Variants in FHIT observed in about 807,000 individuals in gnomAD.
FHIT encodes fragile histidine triad diadenosine triphosphatase.
Under a neutral mutation model 17.9 loss-of-function variants are expected in FHIT, and 19 were observed. That is an observed-to-expected ratio of 1.06 (90% confidence interval 0.74 to 1.56). The LOEUF is 1.56. Among genes scored for constraint, FHIT ranks in the 40% most tolerant of loss-of-function variants. The pLI is 0.00. For synonymous variants in FHIT, 81 were observed against 69.7 expected (o/e 1.16, Z -0.81); for missense variants, 248 against 189.2 (o/e 1.31, Z -1.82).
intron 4 of FHIT, among the ~76,000 whole-genome samples, chr3:60,748,551 C>T (rs1035418373): frequency 2.0e-5 from 3 of 152,174 alleles, no homozygotes; most frequent in Admixed American, 6.5e-5. Flanking sequence ...GTGGCTCACA[C>T]CTGTAATCCC....
In FHIT at chr3:60,303,126, T is replaced by G. The variant is rs575713598; in HGVS notation, c.103+233734A>C. On this transcript the variant is annotated intron_variant, in intron 5 of 9. Coordinates refer to ENST00000492590, the MANE Select transcript of FHIT (RefSeq NM_002012.4). ...ACAACTGCCAAACCTGGAAACCACT[T>G]TCTCCCACATCAAACACACCCTGAA... 5.9e-5 allele frequency among the ~76,000 whole-genome samples: 9 copies of G among 152,216 alleles called. No homozygotes were observed. In the East Asian group the frequency reaches 1.7e-3, roughly 29 times the overall value.
At chr3:60,940,160 G>C (rs1394401557) in intron 3 of FHIT, among the ~76,000 whole-genome samples, 2 of 152,068 alleles carry the variant, frequency 1.3e-5, no homozygotes, top group Non-Finnish European at 2.9e-5. Context: ...ATTTATCATA[G>C]TTTTATGCTC....
chr3:60,863,417 A>C (rs550413501), intron 3 of FHIT, among the ~76,000 whole-genome samples: 8 of 152,336 alleles, frequency 5.3e-5, no homozygotes, highest in Admixed American at 4.6e-4. Flanking sequence ...GTGTTGTTTT[A>C]AGTCACTAAA....
At chr3:60,882,748 A>G (rs1201602499) in intron 3 of FHIT, among the ~76,000 whole-genome samples, 2 of 152,144 alleles carry the variant, frequency 1.3e-5, no homozygotes, top group African/African-American at 4.8e-5. Flanking sequence ...ACAAATCCAT[A>G]CCTAACATTA....
chr3:59,902,492 C>A (rs1704375471), intron 8 of FHIT, among the ~76,000 whole-genome samples: 1 of 151,962 alleles, frequency 6.6e-6, no homozygotes, highest in Admixed American at 6.6e-5. Context: ...TATCTCCACT[C>A]ACATGTTCAT....
At chr3:61,060,399 C>G (rs976456597) in intron 2 of FHIT, among the ~76,000 whole-genome samples, 6 of 152,128 alleles carry the variant, frequency 3.9e-5, no homozygotes, top group Non-Finnish European at 5.9e-5. Flanking sequence ...CAGGCTGCCA[C>G]CCAAAACCAT....
chr3:60,179,795 C>G (rs1701843134), intron 5 of FHIT, among the ~76,000 whole-genome samples: 1 of 152,170 alleles, frequency 6.6e-6, no homozygotes, highest in Admixed American at 6.5e-5. Flanking sequence ...GCTAGGCCAT[C>G]TTTCATTTCT....
intron 2 of FHIT, among the ~76,000 whole-genome samples, chr3:61,166,533 AT>A (rs1001770428): frequency 2.0e-5 from 3 of 152,160 alleles, no homozygotes; most frequent in African/African-American, 7.2e-5. Context: ...AGCAGGCTGT[AT>A]TTTTTTAACA....
At chr3:60,930,060 G>A (rs782161382) in intron 3 of FHIT, among the ~76,000 whole-genome samples, 165 of 152,090 alleles carry the variant, frequency 1.1e-3, no homozygotes, top group African/African-American at 2.4e-3. Flanking sequence ...AAATAATGCC[G>A]CATATCTACA....
At chr3:60,787,282 C>T (rs1316800132) in intron 4 of FHIT, among the ~76,000 whole-genome samples, 1 of 152,150 alleles carries the variant, frequency 6.6e-6, no homozygotes, top group African/African-American at 2.4e-5. Flanking sequence ...AATCCCTGCT[C>T]CAGCTTTTTA....
At chr3:60,355,929 T>C (rs1384341474) in intron 5 of FHIT, among the ~76,000 whole-genome samples, 2 of 152,140 alleles carry the variant, frequency 1.3e-5, no homozygotes, top group Non-Finnish European at 2.9e-5. Context: ...TTTTGTTTAA[T>C]CACTGGGTCA....
intron 5 of FHIT, among the ~76,000 whole-genome samples, chr3:60,337,445 A>C (rs915481875): frequency 4.6e-5 from 7 of 152,174 alleles, no homozygotes; most frequent in Non-Finnish European, 1.0e-4. Flanking sequence ...TTCTTGGTAC[A>C]CACCATTTCT....
chr3:60,612,928 T>C lies in FHIT; in HGVS notation c.-17-75949A>G, dbSNP rs564874785. On this transcript the variant is annotated intron_variant, in intron 4 of 9. Transcript: ENST00000492590. ...AGCAACGAATCATATTTGGCATGAA[T>C]GATAAAAGGTATTTGGAATCCCTGG... is the stretch of plus-strand genomic sequence containing the variant. Among the ~76,000 whole-genome samples, 19 of 151,894 alleles carry C rather than the reference T, an allele frequency of 1.3e-4. No homozygotes were observed. In the East Asian group the frequency reaches 3.7e-3, roughly 29 times the overall value.
chr3:60,727,648 T>C (rs2041943669), intron 4 of FHIT, among the ~76,000 whole-genome samples: 1 of 152,228 alleles, frequency 6.6e-6, no homozygotes, highest in African/African-American at 2.4e-5. Flanking sequence ...TAAAATATTA[T>C]CCAAATGTAT....
At chr3:60,233,834 A>G (rs1358580294) in intron 5 of FHIT, among the ~76,000 whole-genome samples, 1 of 152,070 alleles carries the variant, frequency 6.6e-6, no homozygotes, top group Non-Finnish European at 1.5e-5. Context: ...GTCCCCCTGT[A>G]CATGCCCCCT....
At chr3:60,440,109 C>T (rs2030660791) in intron 5 of FHIT, among the ~76,000 whole-genome samples, 1 of 152,090 alleles carries the variant, frequency 6.6e-6, no homozygotes, top group Non-Finnish European at 1.5e-5. Context: ...GGCGCATTGT[C>T]CATTAGCAAG....
intron 4 of FHIT, among the ~76,000 whole-genome samples, chr3:60,598,579 G>T (rs1348306559): frequency 6.6e-6 from 1 of 152,136 alleles, no homozygotes; most frequent in Non-Finnish European, 1.5e-5. Flanking sequence ...AGAAGTAAAA[G>T]CAAGTTTATA....
chr3:59,864,384 AAG>A (rs1428886514), intron 8 of FHIT, among the ~76,000 whole-genome samples: 2 of 152,114 alleles, frequency 1.3e-5, no homozygotes, highest in Admixed American at 1.3e-4. Context: ...ACCATGTAAG[AAG>A]TGCCTTTTGC....
chr3:60,980,401 T>C (rs1575789268), intron 3 of FHIT, among the ~76,000 whole-genome samples: 1 of 152,332 alleles, frequency 6.6e-6, no homozygotes, highest in Non-Finnish European at 1.5e-5. Flanking sequence ...ATGAGTGGAA[T>C]GGAAAATAAG....
Sources: allele counts gnomAD v4.1 joint callset (sites outside exome capture counted in the v4.1 genomes callset), GRCh38; gene constraint gnomAD v4.1.1; transcripts MANE v1.5; gene names NCBI Gene and HGNC (gene_info 2026-07-23, HGNC 2026-07-21).